SPG11: variants seen among roughly 807,000 people sequenced by gnomAD.
SPG11 encodes the protein SPG11 vesicle trafficking associated, spatacsin.
Under a neutral mutation model 274.0 loss-of-function variants are expected in SPG11, and 222 were observed. That is an observed-to-expected ratio of 0.81 (90% CI 0.73 to 0.91). The LOEUF (loss-of-function observed/expected upper bound fraction) is 0.91, where lower values mean the gene tolerates loss of function less well. Ranked by LOEUF, SPG11 falls within the 40% of genes least tolerant of loss-of-function variation. The pLI is 0.00. For synonymous variants in SPG11, 1,144 were observed against 1,039.7 expected (o/e 1.10, Z -1.93); for missense variants, 3,114 against 2,872.7 (o/e 1.08, Z -1.92).
Position 44,600,385 on chromosome 15 carries a change from A to G in SPG11, c.3686+82T>C. On this transcript the variant is annotated intron_variant, in intron 21 of 39. Coordinates refer to ENST00000261866, the MANE Select transcript of SPG11 (RefSeq NM_025137.4). ...CTGCTTCCTTGAACTCCTGGGCTCA[A>G]GTGATCCTCCTGCTTCCCAAAGTGC... 3 of 1,498,866 alleles carry G rather than the reference A, an allele frequency of 2.0e-6. No individual in the cohort carries two copies. In the South Asian group the frequency reaches 3.4e-5, roughly 17 times the overall value. The allele number at this position is 1,498,866 out of a possible 1,614,324, so 92.8% of individuals were successfully genotyped here.
intron 15 of SPG11, among the ~76,000 whole-genome samples, chr15:44,616,744 T>G (rs1254330657): frequency 6.6e-6 from 1 of 152,184 alleles, no homozygotes; most frequent in Admixed American, 6.5e-5. Context: ...TTTGAGAAAA[T>G]TTAGCCATAC....
At chr15:44,594,809 T>C (rs1427249136) in intron 26 of SPG11, among the ~76,000 whole-genome samples, 1 of 151,938 alleles carries the variant, frequency 6.6e-6, no homozygotes, top group Admixed American at 6.6e-5. Context: ...GCTAAGTAAA[T>C]GGTACTTTTG....
At chr15:44,645,454 T>C (rs1166170165) in intron 7 of SPG11, among the ~76,000 whole-genome samples, 2 of 152,098 alleles carry the variant, frequency 1.3e-5, no homozygotes, top group African/African-American at 4.8e-5. Flanking sequence ...TTATACCACA[T>C]ACAAAAATCA....
At chr15:44,604,790 T>C (rs1158499322) in intron 20 of SPG11, among the ~76,000 whole-genome samples, 2 of 151,062 alleles carry the variant, frequency 1.3e-5, no homozygotes, top group Non-Finnish European at 2.9e-5. Flanking sequence ...TAGCCAGGCG[T>C]GGTGGTGGGT....
chr15:44,592,351 A>G lies in SPG11; in HGVS notation c.4723T>C (p.Phe1575Leu). Residue 1575 changes from phenylalanine to leucine, a missense_variant, in exon 27 of 40, where the codon TTT becomes CTT. Transcript: ENST00000261866. Reference protein sequence around the residue: ...YKEAEAKLLEFQKSLETLNTA... With the variant: ...YKEAEAKLLELQKSLETLNTA... Reference sequence around the variant, plus strand: ...CTTACCGTTTCAAGGCTCTTCTGAAACTCCAGAAGTTTAGCTTCAGCTTCT... The same window carrying G: ...CTTACCGTTTCAAGGCTCTTCTGAAGCTCCAGAAGTTTAGCTTCAGCTTCT... 1 of 1,606,210 alleles carries G rather than the reference A, an allele frequency of 6.2e-7. No homozygotes were observed. The highest frequency in any genetic ancestry group is 8.5e-7 in the Non-Finnish European group (1 of 1,172,842).
At chr15:44,640,740 T>C (rs748905691) in intron 7 of SPG11, among the ~76,000 whole-genome samples, 4 of 152,186 alleles carry the variant, frequency 2.6e-5, no homozygotes, top group Non-Finnish European at 5.9e-5. Flanking sequence ...TTTTTTATTT[T>C]TTATTTTTTG....
chr15:44,648,872 T>G lies in SPG11; in HGVS notation c.1596A>C (p.Ala532=), dbSNP rs1269164807. The change falls in exon 7 of 40, where the codon GCA becomes GCC. Residue 532 remains alanine, a synonymous_variant. Transcript: ENST00000261866. ...GGGCATTTAATTCTGTTACCTCTAG[T>G]GCATGTATGGGAATTGAGCACCTTC... ...GWGRCSIPIH[A]LEAGIENRQL... 1.2e-6 allele frequency: 2 copies of G among 1,614,138 alleles called. No homozygotes were observed. Among genetic ancestry groups the G allele is most frequent in the East Asian group, 2.2e-5 (1 of 44,860 alleles).
intron 20 of SPG11, among the ~76,000 whole-genome samples, chr15:44,603,034 T>C (rs1285462542): frequency 1.3e-5 from 2 of 151,892 alleles, no homozygotes; most frequent in South Asian, 2.1e-4. Flanking sequence ...CAACTCACTG[T>C]ACCTTTCTCC....
At chr15:44,660,373 T>TA in intron 2 of SPG11, 59 bp downstream of exon 2, 3 of 1,501,756 alleles carry the variant, frequency 2.0e-6, no homozygotes, top group Non-Finnish European at 2.8e-6. Context: ...CTGAAGTATG[T>TA]AACTACATGG....
intron 7 of SPG11, among the ~76,000 whole-genome samples, chr15:44,638,442 C>CA (rs2084342649): frequency 6.6e-6 from 1 of 150,728 alleles, no homozygotes; most frequent in Non-Finnish European, 1.5e-5. Flanking sequence ...GCCTGGGCGA[C>CA]AGAGCAAGAC....
chr15:44,656,163 G>A (rs2084935319), intron 4 of SPG11, among the ~76,000 whole-genome samples: 1 of 152,026 alleles, frequency 6.6e-6, no homozygotes, highest in African/African-American at 2.4e-5. Context: ...AAACAGAGAA[G>A]GTTTAAAAAT....
intron 31 of SPG11, among the ~76,000 whole-genome samples, chr15:44,574,556 C>G (rs929361522): frequency 3.3e-5 from 5 of 152,182 alleles, no homozygotes; most frequent in African/African-American, 7.2e-5. Context: ...TCATCACATT[C>G]CATATGGAAT....
Position 44,566,273 on chromosome 15 carries a change from G to A in SPG11, c.6787C>T (p.Gln2263Ter), listed in dbSNP as rs370259531. 2 of 1,614,080 alleles carry A rather than the reference G, an allele frequency of 1.2e-6. No individual in the cohort carries two copies. The highest frequency in any genetic ancestry group is 2.7e-5 in the African/African-American group (2 of 74,920). Residue 2263 changes from glutamine to a stop codon, truncating the protein, a stop_gained, in exon 37 of 40, where the codon CAA becomes TAA. Coordinates refer to ENST00000261866, the MANE Select transcript of SPG11 (RefSeq NM_025137.4). LOFTEE classifies it high-confidence loss of function. ...DSLKDGHQLK[Q>*]LLLKALTLML... Reference sequence around the variant, plus strand: ...AGAGTCAGGGCCTTCAGCAGCAGTTGTTTCAGCTGGTGCCCATCCTTGAGG... The same window carrying A: ...AGAGTCAGGGCCTTCAGCAGCAGTTATTTCAGCTGGTGCCCATCCTTGAGG...
intron 4 of SPG11, among the ~76,000 whole-genome samples, chr15:44,655,752 T>C (rs1448376563): frequency 2.0e-5 from 3 of 152,176 alleles, no homozygotes; most frequent in Non-Finnish European, 4.4e-5. Context: ...ATTTTGATCG[T>C]GCAGGGGGTT....
At chr15:44,636,961 A>C (rs931095522) in intron 7 of SPG11, among the ~76,000 whole-genome samples, 2 of 145,708 alleles carry the variant, frequency 1.4e-5, no homozygotes, top group African/African-American at 2.6e-5. Context: ...AAAAAAACAA[A>C]AAAAAAACAC....
chr15:44,620,443 T>G, intron 14 of SPG11, 40 bp from the exon 15 acceptor site: 1 of 1,393,768 alleles, frequency 7.2e-7, no homozygotes, highest in Non-Finnish European at 1.0e-6. Context: ...TAATTAATTA[T>G]GTCTATTGAC....
At position 44,633,742 on chromosome 15, in the gene SPG11, C is replaced by T. The variant is rs753432645; in HGVS notation, c.1603-105G>A. 5.7e-5 allele frequency: 71 copies of T among 1,256,116 alleles called. No homozygotes were observed. In the Middle Eastern group the frequency reaches 1.0e-3, roughly 18 times the overall value. 77.8% of individuals were successfully genotyped at this position (1,256,116 alleles called of 1,614,324 possible). ...TTTAGAATTTAATGTGGTGAGACTACAGGAGGCAAAAGACTGCATGAGTAC... is the reference window on the plus strand; with the variant it reads ...TTTAGAATTTAATGTGGTGAGACTATAGGAGGCAAAAGACTGCATGAGTAC... On this transcript the variant is annotated intron_variant, in intron 7 of 39. Coordinates refer to ENST00000261866, the MANE Select transcript of SPG11 (RefSeq NM_025137.4).
intron 16 of SPG11, among the ~76,000 whole-genome samples, chr15:44,614,162 G>A (rs964669540): frequency 6.6e-6 from 1 of 152,170 alleles, no homozygotes; most frequent in African/African-American, 2.4e-5. Context: ...CAGTAGCTAT[G>A]GAGACAACAT....
At chr15:44,644,769 T>C (rs2084558159) in intron 7 of SPG11, among the ~76,000 whole-genome samples, 1 of 152,142 alleles carries the variant, frequency 6.6e-6, no homozygotes, top group Non-Finnish European at 1.5e-5. Context: ...CAGCAGCATT[T>C]CTATACACCA....
Sources: gnomAD v4.1 joint callset for allele counts (sites outside exome capture counted in the v4.1 genomes callset) on GRCh38, gnomAD v4.1.1 for gene constraint, MANE v1.5 for transcripts, NCBI Gene and HGNC (gene_info 2026-07-23, HGNC 2026-07-21) for gene names.